CFAP58: variants seen among roughly 807,000 people sequenced by gnomAD.
CFAP58 encodes cilia- and flagella-associated protein 58.
Under a neutral mutation model 119.5 loss-of-function variants are expected in CFAP58, and 88 were observed. The observed-to-expected ratio is 0.74, with a 90% CI of 0.62 to 0.88. The LOEUF (loss-of-function observed/expected upper bound fraction) is 0.88. Among genes scored for constraint, CFAP58 ranks in the 40% least tolerant of loss-of-function variants. CFAP58 has a pLI of 0.00. For missense variants in CFAP58, 990 were observed against 1,021.2 expected, an observed-to-expected ratio of 0.97 and a Z score of 0.42; for synonymous variants, 365 against 366.3, an observed-to-expected ratio of 1.00 and a Z score of 0.04.
At chr10:104,437,063 T>C (rs2012946892) in intron 15 of CFAP58, among the ~76,000 whole-genome samples, 1 of 152,246 alleles carries the variant, frequency 6.6e-6, no homozygotes, top group Non-Finnish European at 1.5e-5. Flanking sequence ...TTCATATAAG[T>C]TCAAATCTTG....
At chr10:104,414,794 C>T (rs1030674025) in intron 15 of CFAP58, among the ~76,000 whole-genome samples, 8 of 152,152 alleles carry the variant, frequency 5.3e-5, no homozygotes, top group African/African-American at 1.7e-4. Context: ...CTCAGCCTCC[C>T]GAGTAGCTGG....
chr10:104,438,501 G>A (rs1361152537), intron 15 of CFAP58, among the ~76,000 whole-genome samples: 2 of 150,806 alleles, frequency 1.3e-5, no homozygotes, highest in Admixed American at 1.3e-4. Flanking sequence ...TCAGCCTCCC[G>A]AGTAGCTGGG....
At chr10:104,450,281 G>C in intron 17 of CFAP58, 77 bp downstream of exon 17, 2 of 1,489,418 alleles carry the variant, frequency 1.3e-6, no homozygotes, top group East Asian at 4.5e-5. Context: ...AACAGTCACA[G>C]AGTTGCAAGT....
intron 9 of CFAP58, among the ~76,000 whole-genome samples, chr10:104,385,885 C>T (rs1193808629): frequency 6.6e-6 from 1 of 152,062 alleles, no homozygotes; most frequent in Non-Finnish European, 1.5e-5. Flanking sequence ...TGTGTTTCAT[C>T]TACAATAATG....
intron 17 of CFAP58, among the ~76,000 whole-genome samples, chr10:104,452,005 C>T (rs2013203426): frequency 6.6e-6 from 1 of 151,976 alleles, no homozygotes; most frequent in Admixed American, 6.6e-5. Context: ...TCCCAAAGTG[C>T]TGGGATTACA....
intron 15 of CFAP58, among the ~76,000 whole-genome samples, chr10:104,408,103 G>T (rs1243778436): frequency 6.6e-6 from 1 of 152,158 alleles, no homozygotes; most frequent in Non-Finnish European, 1.5e-5. Flanking sequence ...CCTTAAGAAA[G>T]ATATTTACCC....
upstream of CFAP58, among the ~76,000 whole-genome samples, chr10:104,350,599 G>C (rs1350382820): frequency 1.3e-5 from 2 of 152,094 alleles, no homozygotes; most frequent in Non-Finnish European, 2.9e-5. Flanking sequence ...AGTCATATTT[G>C]GGTCTTTTTG....
chr10:104,449,527 A>T (rs1055533341), intron 16 of CFAP58, among the ~76,000 whole-genome samples: 1 of 152,168 alleles, frequency 6.6e-6, no homozygotes, highest in Non-Finnish European at 1.5e-5. Context: ...CAGGCTTTGA[A>T]GAGTCCCGAA....
At chr10:104,422,454 G>C (rs2012676399) in intron 15 of CFAP58, among the ~76,000 whole-genome samples, 1 of 152,194 alleles carries the variant, frequency 6.6e-6, no homozygotes, top group South Asian at 2.1e-4. Flanking sequence ...TCGTGGCTTA[G>C]AACAATAATC....
intron 7 of CFAP58, among the ~76,000 whole-genome samples, chr10:104,374,846 C>CAAAAAAAAA (rs56074829): frequency 2.0e-5 from 2 of 101,514 alleles, no homozygotes; most frequent in African/African-American, 3.8e-5. Flanking sequence ...CTTATAACTG[C>CAAAAAAAAA]AAAAAAAAAA....
rs774297628 is a variant in CFAP58, at chr10:104,406,671, GT to G, written c.2152-16del. On this transcript the variant is annotated splice_polypyrimidine_tract_variant and intron_variant, in intron 14 of 17. Transcript: ENST00000369704. ...AGCTGATGATATCTCAGCTGCTATT[GT>G]TGTTCCCCTTGGACAGGCCAGCGAC... 6.2e-7 allele frequency: 1 copy of G among 1,605,900 alleles called. No homozygotes were observed. The highest frequency in any genetic ancestry group is 1.7e-5 in the Admixed American group (1 of 59,786).
chr10:104,417,433 C>T (rs1348505050), intron 15 of CFAP58, among the ~76,000 whole-genome samples: 1 of 152,190 alleles, frequency 6.6e-6, no homozygotes, highest in Non-Finnish European at 1.5e-5. Context: ...CACCCTCTGG[C>T]CCTGGCTCTT....
At chr10:104,453,110 G>A (rs1035461203) in intron 17 of CFAP58, among the ~76,000 whole-genome samples, 6 of 152,124 alleles carry the variant, frequency 3.9e-5, no homozygotes, top group Admixed American at 6.6e-5. Flanking sequence ...AGCATTAAGC[G>A]TAAGCTCCTT....
chr10:104,432,580 A>T (rs1017795106), intron 15 of CFAP58, among the ~76,000 whole-genome samples: 1 of 151,676 alleles, frequency 6.6e-6, no homozygotes, highest in Non-Finnish European at 1.5e-5. Flanking sequence ...TTGGCCCACT[A>T]CATTCTCCGC....
upstream of CFAP58, among the ~76,000 whole-genome samples, chr10:104,350,557 C>T (rs2014448569): frequency 1.3e-5 from 2 of 152,220 alleles, no homozygotes. Flanking sequence ...TGTCACGCGC[C>T]TTTCTACCTC....
chr10:104,450,781 A>G (rs1244734379), intron 17 of CFAP58, among the ~76,000 whole-genome samples: 1 of 151,344 alleles, frequency 6.6e-6, no homozygotes, highest in East Asian at 1.9e-4. Context: ...CTGGCCTCAA[A>G]CAGTCCTCCT....
At chr10:104,345,312 A>ATTG in the CFAP58 span, among the ~76,000 whole-genome samples, 1 of 151,920 alleles carries the variant, frequency 6.6e-6, no homozygotes, top group African/African-American at 2.4e-5. Context: ...TTTGGTATTT[A>ATTG]CATTGAGGAT....
upstream of CFAP58, among the ~76,000 whole-genome samples, chr10:104,349,015 G>A (rs1354499206): frequency 2.6e-5 from 4 of 152,298 alleles, no homozygotes; most frequent in East Asian, 1.9e-4. Context: ...GGGAGGCCAC[G>A]GCAGAAGGAT....
At position 104,400,732 on chromosome 10, in the gene CFAP58, A is replaced by C. The variant is rs769752933; in HGVS notation, c.1868A>C (p.Glu623Ala). The C allele has an allele frequency of 3.1e-6, 5 of 1,614,146 alleles. No individual in the cohort carries two copies. The South Asian group carries it at 5.5e-5, about 18-fold the overall frequency. ...TCTCAGCTTGTTCGGCGCAATGATG[A>C]GTTAGCTTTGCTCTATGAGAAGATC... ...LGSQLVRRND[E>A]LALLYEKIKI... The change falls in exon 13 of 18, where the codon GAG becomes GCG. Residue 623 changes from glutamate to alanine, a missense_variant. Glu to Ala is a moderately radical substitution (Grantham distance 107). Coordinates refer to ENST00000369704, the MANE Select transcript of CFAP58 (RefSeq NM_001008723.2).
Sources: gnomAD v4.1 joint callset for allele counts (sites outside exome capture counted in the v4.1 genomes callset) on GRCh38, gnomAD v4.1.1 for gene constraint, MANE v1.5 for transcripts, NCBI Gene and HGNC (gene_info 2026-07-23, HGNC 2026-07-21) for gene names.